The following CPA6 variants were observed in gnomAD, a reference collection of about 807,000 sequenced individuals.
The protein encoded by CPA6 is carboxypeptidase A6.
In CPA6, 58 loss-of-function variants were observed where a neutral mutation model predicts 63.3. That is an observed-to-expected ratio of 0.92 (90% CI 0.74 to 1.14). The LOEUF (loss-of-function observed/expected upper bound fraction) is 1.14. Ranked by LOEUF, CPA6 falls within the 50% of genes most tolerant of loss-of-function variation. CPA6 has a pLI of 0.00. For synonymous variants in CPA6, 185 were observed against 179.0 expected (o/e 1.03, Z -0.27); for missense variants, 565 against 526.6 (o/e 1.07, Z -0.71).
intron 1 of CPA6, among the ~76,000 whole-genome samples, chr8:67,629,338 G>T (rs1250086806): frequency 6.6e-6 from 1 of 151,198 alleles, no homozygotes; most frequent in Non-Finnish European, 1.5e-5. Flanking sequence ...ATAAATAGCT[G>T]GGCATCATGG....
intron 2 of CPA6, among the ~76,000 whole-genome samples, chr8:67,605,080 G>GTTTTTTT (rs34741776): frequency 3.4e-5 from 5 of 145,056 alleles, no homozygotes; most frequent in Non-Finnish European, 3.0e-5. Context: ...GCCCAGCCAC[G>GTTTTTTT]TTTTTTTTTT....
chr8:67,668,585 C>T (rs943594322), intron 1 of CPA6, among the ~76,000 whole-genome samples: 1 of 152,128 alleles, frequency 6.6e-6, no homozygotes, highest in African/African-American at 2.4e-5. Context: ...ACATACCCCA[C>T]AAAAAATGTG....
intron 2 of CPA6, among the ~76,000 whole-genome samples, chr8:67,527,017 C>G (rs1245124490): frequency 2.0e-5 from 3 of 152,148 alleles, no homozygotes; most frequent in African/African-American, 7.2e-5. Context: ...GCATTTTCAG[C>G]CTGGCTCCGA....
chr8:67,637,271 T>C (rs1259697468), intron 1 of CPA6, among the ~76,000 whole-genome samples: 1 of 151,706 alleles, frequency 6.6e-6, no homozygotes, highest in Non-Finnish European at 1.5e-5. Flanking sequence ...GAAATTGGCT[T>C]TTTGTAAACC....
chr8:67,604,677 A>C (rs542112932), intron 2 of CPA6, among the ~76,000 whole-genome samples: 1 of 152,274 alleles, frequency 6.6e-6, no homozygotes, highest in African/African-American at 2.4e-5. Flanking sequence ...ACATTTGTGG[A>C]ATTTGTTTCT....
In CPA6 at chr8:67,439,368, C is replaced by T. The variant is rs778606332; in HGVS notation, c.839-5128G>A. ...TTTGGGAGCCAAGGCAGGTGGATCA[C>T]TTGAGGTAAGGAGTTTGAGACCTGC... On this transcript the variant is annotated intron_variant, in intron 8 of 10. Transcript: ENST00000297770. Among the ~76,000 whole-genome samples, 64 of 152,028 alleles carry T rather than the reference C, an allele frequency of 4.2e-4. 1 individual carries two copies. Among genetic ancestry groups the T allele is most frequent in the Non-Finnish European group, 7.2e-4 (49 of 67,990 alleles).
chr8:67,608,480 G>C (rs1814724006), intron 2 of CPA6, among the ~76,000 whole-genome samples: 1 of 152,148 alleles, frequency 6.6e-6, no homozygotes, highest in South Asian at 2.1e-4. Flanking sequence ...TCACTTTCCA[G>C]CTCCCCATCC....
At chr8:67,611,380 C>T (rs1842659) in intron 2 of CPA6, among the ~76,000 whole-genome samples, 22,303 of 152,136 alleles carry the variant, frequency 0.15, 2,106 homozygotes, top group East Asian at 0.41. Flanking sequence ...GATTACACCA[C>T]GCCCATCCTC....
intron 1 of CPA6, among the ~76,000 whole-genome samples, chr8:67,661,029 T>C (rs1273237045): frequency 2.0e-5 from 3 of 152,200 alleles, no homozygotes; most frequent in Non-Finnish European, 4.4e-5. Context: ...TTCATCCCTT[T>C]AGTCATTTAT....
At chr8:67,439,259 C>T (rs1810233511) in intron 8 of CPA6, among the ~76,000 whole-genome samples, 1 of 152,016 alleles carries the variant, frequency 6.6e-6, no homozygotes, top group African/African-American at 2.4e-5. Context: ...TGCCATTGCA[C>T]TCTAGTCTGG....
rs1432456725 is a variant in CPA6 at position 67,422,571 on chromosome 8, G to T, written c.1247C>A (p.Pro416His). ...GFLLPEMLIK[P>H]TCTETMLAVK... ...AGCCAGCATAGTTTCTGTACAGGTG[G>T]GTTTGATGAGCATCTCTGGGAGTAA... Residue 416 changes from proline (P) to histidine (H), a missense_variant, in exon 11 of 11, where the codon CCC (proline) becomes CAC (histidine). Coordinates refer to ENST00000297770, the MANE Select transcript of CPA6 (RefSeq NM_020361.5). The T allele has an allele frequency of 6.2e-7, 1 of 1,614,120 alleles. No homozygotes were observed. The highest frequency in any genetic ancestry group is 1.1e-5 in the South Asian group (1 of 91,084).
At chr8:67,721,366 A>G (rs1490485072) in intron 1 of CPA6, among the ~76,000 whole-genome samples, 1 of 152,234 alleles carries the variant, frequency 6.6e-6, no homozygotes, top group Non-Finnish European at 1.5e-5. Context: ...AGGGTTTCAG[A>G]TATTGAAGGT....
At chr8:67,556,083 G>A (rs1813053530) in intron 2 of CPA6, among the ~76,000 whole-genome samples, 1 of 152,210 alleles carries the variant, frequency 6.6e-6, no homozygotes, top group African/African-American at 2.4e-5. Context: ...GAACAGAGAT[G>A]TGGATGGATC....
At chr8:67,477,207 C>T (rs1811259966) in intron 8 of CPA6, among the ~76,000 whole-genome samples, 1 of 143,134 alleles carries the variant, frequency 7.0e-6, no homozygotes, top group East Asian at 2.1e-4. Context: ...AGGAGAATGG[C>T]TGAACCTGGG....
At chr8:67,514,595 A>G (rs556525127) in intron 3 of CPA6, among the ~76,000 whole-genome samples, 33 of 152,360 alleles carry the variant, frequency 2.2e-4, no homozygotes, top group Non-Finnish European at 4.3e-4. Context: ...TCTCCAGTGA[A>G]GAGGCAACTG....
At chr8:67,681,200 C>CT (rs1007305743) in intron 1 of CPA6, among the ~76,000 whole-genome samples, 2,445 of 89,868 alleles carry the variant, frequency 0.027, 366 homozygotes, top group African/African-American at 0.04. Flanking sequence ...CAAAGATTTT[C>CT]TTTTTTTTTT....
At chr8:67,716,258 T>C (rs1290441331) in intron 1 of CPA6, among the ~76,000 whole-genome samples, 1 of 149,670 alleles carries the variant, frequency 6.7e-6, no homozygotes, top group African/African-American at 2.5e-5. Context: ...GTCTGAGACC[T>C]AATAGGTTGC....
In CPA6 at chr8:67,669,758, C is replaced by T. The variant is rs556324612; in HGVS notation, c.117-45507G>A. 2.7e-5 allele frequency among the ~76,000 whole-genome samples: 4 copies of T among 150,226 alleles called. No individual in the cohort carries two copies. In the South Asian group the frequency reaches 8.5e-4, roughly 32 times the overall value. On this transcript the variant is annotated intron_variant, in intron 1 of 10. Coordinates refer to ENST00000297770, the MANE Select transcript of CPA6 (RefSeq NM_020361.5). ...TTGATGCTTCTTATGTGTCATGTAA[C>T]TAAGAGCAAAAGGAAATATGAAAAA...
intron 2 of CPA6, among the ~76,000 whole-genome samples, chr8:67,589,977 G>A (rs944184265): frequency 6.6e-6 from 1 of 151,484 alleles, no homozygotes; most frequent in Non-Finnish European, 1.5e-5. Context: ...CCATGCTGGT[G>A]TGCTGCACCC....
Sources: gnomAD v4.1 joint callset for allele counts (sites outside exome capture counted in the v4.1 genomes callset) on GRCh38, gnomAD v4.1.1 for gene constraint, MANE v1.5 for transcripts, NCBI Gene and HGNC (gene_info 2026-07-23, HGNC 2026-07-21) for gene names.